The following IGSF9B variants were observed in gnomAD, a reference collection of about 807,000 sequenced individuals.
IGSF9B encodes protein turtle homolog B.
IGSF9B carries 48 observed loss-of-function variants against 143.7 expected under a neutral mutation model. The ratio of observed to expected loss-of-function variants is 0.33; its 90% confidence interval spans 0.26 to 0.42. The LOEUF (loss-of-function observed/expected upper bound fraction) is 0.42. Ranked by LOEUF, IGSF9B falls within the 20% of genes least tolerant of loss-of-function variation. The probability of loss-of-function intolerance (pLI) is 1.00; values close to 1 mark genes in which losing one functional copy is unlikely to be tolerated. For missense variants in IGSF9B, 1,706 were observed against 1,980.0 expected (o/e 0.86, Z 2.63); for synonymous variants, 903 against 833.1 (o/e 1.08, Z -1.44).
intron 15 of IGSF9B, among the ~76,000 whole-genome samples, chr11:133,922,958 C>T (rs1392976088): frequency 6.6e-6 from 1 of 152,236 alleles, no homozygotes; most frequent in Non-Finnish European, 1.5e-5. Context: ...AAGAAGAAAA[C>T]ATCTATGCCT....
intron 15 of IGSF9B, 139 bp downstream of exon 15, chr11:133,924,681 C>T: frequency 2.9e-6 from 2 of 685,138 alleles, no homozygotes; most frequent in Non-Finnish European, 5.1e-6. Context: ...AAGGCTATGA[C>T]TCACGCAGCT....
At chr11:133,933,773 C>A (rs1040223115) in intron 7 of IGSF9B, among the ~76,000 whole-genome samples, 2 of 152,124 alleles carry the variant, frequency 1.3e-5, no homozygotes, top group Non-Finnish European at 2.9e-5. Flanking sequence ...GAACCCCACA[C>A]CTCTTGCAAT....
At position 133,937,937 on chromosome 11, in the gene IGSF9B, G is replaced by C. The variant is rs766829684; in HGVS notation, c.434C>G (p.Pro145Arg). 6.2e-7 allele frequency: 1 copy of C among 1,613,468 alleles called. No individual in the cohort carries two copies. The highest frequency in any genetic ancestry group is 8.5e-7 in the Non-Finnish European group (1 of 1,179,712). The change falls in exon 4 of 20, where the codon CCC becomes CGC. Residue 145 changes from proline to arginine, a missense_variant. Transcript: ENST00000533871. ...CTCCTTGGCCTCGATGTACTGGGGG[G>C]GTGTTTCTGTAAAGGTGGGAGGGGC... ...INAPPTFTET[P>R]PQYIEAKEGG...
At chr11:133,929,491 C>T (rs866431775) in intron 12 of IGSF9B, among the ~76,000 whole-genome samples, 180 bp downstream of exon 12, 1 of 152,276 alleles carries the variant, frequency 6.6e-6, no homozygotes, top group Middle Eastern at 3.4e-3. Flanking sequence ...CCCTTCAGAC[C>T]CCTCCCGTCA....
In IGSF9B at chr11:133,939,855, AAACACACAC is replaced by A. The variant is rs1336291543; in HGVS notation, c.410-1903_410-1895del. On this transcript the variant is annotated intron_variant, in intron 3 of 19. Coordinates refer to ENST00000533871, the MANE Select transcript of IGSF9B (RefSeq NM_001277285.4). Reference sequence around the variant, plus strand: ...TCCTCGCACGCGTCATCACACGCACAAACACACACCTCGCACGTCCTCGCACGCGTCATC... The same window carrying A: ...TCCTCGCACGCGTCATCACACGCACACTCGCACGTCCTCGCACGCGTCATC... 5.4e-5 allele frequency among the ~76,000 whole-genome samples: 8 copies of A among 149,186 alleles called. No homozygotes were observed. In the Admixed American group the frequency reaches 5.4e-4, roughly 10 times the overall value.
intron 3 of IGSF9B, among the ~76,000 whole-genome samples, chr11:133,941,139 A>C (rs935924725): frequency 6.6e-6 from 1 of 152,248 alleles, no homozygotes; most frequent in Non-Finnish European, 1.5e-5. Flanking sequence ...AGTTTTCAGG[A>C]AAATAATGGC....
chr11:133,937,553 C>G, intron 4 of IGSF9B, 60 bp from the exon 5 acceptor site: 1 of 1,362,264 alleles, frequency 7.3e-7, no homozygotes, highest in Non-Finnish European at 1.0e-6. Context: ...CTGCTACCCT[C>G]AAACACGGAG....
chr11:133,948,420 C>G lies in IGSF9B; in HGVS notation c.65-2162G>C, dbSNP rs75079562. 7.4e-4 allele frequency among the ~76,000 whole-genome samples: 112 copies of G among 152,250 alleles called. 1 individual carries two copies. The East Asian group carries it at 0.021, about 29-fold the overall frequency. On this transcript the variant is annotated intron_variant, in intron 1 of 19. Transcript: ENST00000533871. This position sits in a 1 kb window ranked among gnomAD's most constrained non-coding sequence, Gnocchi z 4.7. ...GCATGCTTCCCAATTTCCCCCACCC[C>G]CAACCTTGCTTCAGGCTAAGTTTGC...
chr11:133,943,433 G>C (rs1292034853), intron 3 of IGSF9B, among the ~76,000 whole-genome samples: 1 of 152,072 alleles, frequency 6.6e-6, no homozygotes, highest in Non-Finnish European at 1.5e-5. Flanking sequence ...ACAAAGAGGA[G>C]ACTCTCCCTC....
In IGSF9B at chr11:133,908,836, G is replaced by A. The variant is rs150829054; in HGVS notation, c.*233C>T. On this transcript the variant is annotated 3_prime_UTR_variant, in exon 20 of 20. Transcript: ENST00000533871. The stretch of plus-strand genomic sequence containing the variant: ...GAGGGGAGGAGACAGGTGTTGCCCA[G>A]TCTCCAATCCACTTCCTGACCTCGA... The A allele has an allele frequency of 3.9e-6, 2 of 515,196 alleles. No individual in the cohort carries two copies. Among genetic ancestry groups the A allele is most frequent in the East Asian group, 3.1e-5 (1 of 32,626 alleles). 31.9% of individuals were successfully genotyped at this position (515,196 alleles called of 1,614,324 possible).
At chr11:133,947,798 G>GTC (rs1591726136) in intron 1 of IGSF9B, among the ~76,000 whole-genome samples, 1 of 151,146 alleles carries the variant, frequency 6.6e-6, no homozygotes, top group East Asian at 1.9e-4. Context: ...CTGTCTGTCT[G>GTC]TCTCTCTCTA....
At position 133,909,222 on chromosome 11, in the gene IGSF9B, A is replaced by T. The variant is rs1410782317; in HGVS notation, c.4161T>A (p.Asp1387Glu). ...QLPNSQVLWP[D>E]EAVCLRKKKR... ...TCTTCTTTCGGAGGCAGACAGCTTC[A>T]TCGGGCCACAGAACCTGAGAGTTGG... The change falls in exon 20 of 20, where the codon GAT becomes GAA. Residue 1387 changes from aspartate (D) to glutamate (E), a missense_variant. Asp to Glu is a conservative substitution (Grantham distance 45). Transcript: ENST00000533871. The surrounding 1 kb of genome is among the most constrained non-coding windows in gnomAD (Gnocchi z 4.2). 3.9e-6 allele frequency: 6 copies of T among 1,535,808 alleles called. No individual in the cohort carries two copies. The highest frequency in any genetic ancestry group is 1.2e-5 in the South Asian group (1 of 84,060).
intron 18 of IGSF9B, among the ~76,000 whole-genome samples, chr11:133,917,264 G>A (rs949658662): frequency 7.2e-5 from 11 of 152,200 alleles, no homozygotes; most frequent in Non-Finnish European, 1.6e-4. Context: ...CTGTGAGAGG[G>A]AGCGAGCTTC....
intron 18 of IGSF9B, 77 bp downstream of exon 18, chr11:133,919,664 CG>C: frequency 1.1e-6 from 1 of 925,544 alleles, no homozygotes; most frequent in Non-Finnish European, 1.5e-6. Context: ...GGCGGATGGA[CG>C]GGGTGGAGGG....
At chr11:133,944,107 AGGG>A (rs1939999877) in intron 3 of IGSF9B, 110 bp downstream of exon 3, 1 of 1,147,282 alleles carries the variant, frequency 8.7e-7, no homozygotes, top group Non-Finnish European at 1.2e-6. Context: ...GGAGGGGGGC[AGGG>A]GGTGAGATGC....
intron 3 of IGSF9B, among the ~76,000 whole-genome samples, chr11:133,943,042 A>G (rs1159867420): frequency 6.6e-6 from 1 of 152,206 alleles, no homozygotes; most frequent in Admixed American, 6.5e-5. Flanking sequence ...GGTCTGGCCC[A>G]GCCCCCCCAG....
intron 12 of IGSF9B, among the ~76,000 whole-genome samples, chr11:133,929,284 A>C (rs181370942): frequency 4.6e-5 from 7 of 152,352 alleles, no homozygotes; most frequent in Admixed American, 3.3e-4. Context: ...AAATACAAAA[A>C]AAATTAGTCT....
chr11:133,932,306 C>T, intron 7 of IGSF9B, 93 bp from the exon 8 acceptor site: 1 of 1,361,402 alleles, frequency 7.3e-7, no homozygotes, highest in African/African-American at 1.7e-5. Flanking sequence ...CAGGGACAGA[C>T]AGACACAGGG....
At chr11:133,930,609 C>A (rs1214440073) in intron 11 of IGSF9B, among the ~76,000 whole-genome samples, 1 of 152,146 alleles carries the variant, frequency 6.6e-6, no homozygotes, top group Non-Finnish European at 1.5e-5. Flanking sequence ...CTCAGCTCTG[C>A]CCTCATCTGA....
Sources: gnomAD v4.1 joint callset for allele counts (sites outside exome capture counted in the v4.1 genomes callset) on GRCh38, gnomAD v4.1.1 for gene constraint, Gnocchi (gnomAD v3.1) non-coding constraint, MANE v1.5 for transcripts, NCBI Gene and HGNC (gene_info 2026-07-23, HGNC 2026-07-21) for gene names.